Variants in UGT1A4 observed in about 807,000 individuals in gnomAD.
The protein encoded by UGT1A4 is UDP glucuronosyltransferase family 1 member A4.
In UGT1A4, 32 loss-of-function variants were observed where a neutral mutation model predicts 41.1. The observed-to-expected ratio is 0.78, with a 90% confidence interval of 0.59 to 1.05. UGT1A4 has a LOEUF of 1.05. Among genes scored for constraint, UGT1A4 ranks in the 50% least tolerant of loss-of-function variants. UGT1A4 has a pLI of 0.00. For synonymous variants in UGT1A4, 283 were observed against 265.1 expected, an observed-to-expected ratio of 1.07 and a Z score of -0.66; for missense variants, 748 against 677.4, an observed-to-expected ratio of 1.10 and a Z score of -1.16.
rs1197217619 is a variant in UGT1A4, at chr2:233,750,175, GA to G, written c.868-16858del. 5.9e-5 allele frequency among the ~76,000 whole-genome samples: 9 copies of G among 151,894 alleles called. 1 individual carries two copies. The highest frequency in any genetic ancestry group is 2.2e-4 in the African/African-American group (9 of 41,136). Reference sequence around the variant, plus strand: ...GTTGAATGGTTTTGACCAAAATGCTGATAATGTTGTGGACAATGAAGTCCAG... The same window carrying G: ...GTTGAATGGTTTTGACCAAAATGCTGTAATGTTGTGGACAATGAAGTCCAG... On this transcript the variant is annotated intron_variant, in intron 1 of 4. Coordinates refer to ENST00000373409, the MANE Select transcript of UGT1A4 (RefSeq NM_007120.3).
rs1301858882 is a variant in UGT1A4 at position 233,760,759 on chromosome 2, C to T, written c.868-6275C>T. 2.5e-6 allele frequency: 4 copies of T among 1,613,948 alleles called. No homozygotes were observed. In the African/African-American group the frequency reaches 4.0e-5, roughly 16 times the overall value. On this transcript the variant is annotated intron_variant, in intron 1 of 4. Transcript: ENST00000373409. Reference sequence around the variant, plus strand: ...GACGGACCCTTTCCTTCCTTGCAGCCCCATCGTGGCCCAGTACCTGTCTCT... The same window carrying T: ...GACGGACCCTTTCCTTCCTTGCAGCTCCATCGTGGCCCAGTACCTGTCTCT...
chr2:233,731,825 G>C (rs994519436), intron 1 of UGT1A4, among the ~76,000 whole-genome samples: 58 of 152,108 alleles, frequency 3.8e-4, no homozygotes, highest in African/African-American at 1.4e-3. Flanking sequence ...GTGTCAAATG[G>C]TATTTCTAGT....
Position 233,719,081 on chromosome 2 carries a change from G to C in UGT1A4, c.261G>C (p.Lys87Asn), listed in dbSNP as rs146146688. The C allele has an allele frequency of 8.1e-6, 13 of 1,614,146 alleles. No individual in the cohort carries two copies. The highest frequency in any genetic ancestry group is 1.1e-5 in the South Asian group (1 of 91,086). ...CCTATGCTGTTCCATGGACCCAGAA[G>C]GAATTTGATCGCGTTACGCTGGGCT... ...LTAYAVPWTQ[K>N]EFDRVTLGYT... Residue 87 changes from lysine (K) to asparagine (N), a missense_variant, in exon 1 of 5, where the codon AAG (lysine) becomes AAC (asparagine). Transcript: ENST00000373409.
At chr2:233,743,679 C>G (rs773832305) in intron 1 of UGT1A4, 3 of 1,367,098 alleles carry the variant, frequency 2.2e-6, no homozygotes, top group African/African-American at 3.0e-5. Context: ...AAGGGCCTGC[C>G]GCCTGTGCAG....
chr2:233,761,191 T>G, intron 1 of UGT1A4: 1 of 1,614,162 alleles, frequency 6.2e-7, no homozygotes, highest in Non-Finnish European at 8.5e-7. Context: ...GTATATTCTT[T>G]CAGATGTATT....
chr2:233,755,203 A>G, intron 1 of UGT1A4: 1 of 1,097,556 alleles, frequency 9.1e-7, no homozygotes, highest in Non-Finnish European at 1.3e-6. Flanking sequence ...AGCTTGCGGT[A>G]CGCCTTCTTG....
intron 1 of UGT1A4, chr2:233,729,111 C>G (rs773243405): frequency 2.0e-5 from 33 of 1,612,748 alleles, no homozygotes; most frequent in Admixed American, 3.3e-5. Flanking sequence ...GTCAGCTGTC[C>G]GTGTCTTCTG....
intron 1 of UGT1A4, chr2:233,721,988 G>A (rs1184404507): frequency 1.1e-5 from 3 of 269,960 alleles, no homozygotes; most frequent in African/African-American, 2.2e-5. Context: ...GTAGTTTCAC[G>A]AATGTCCTTT....
Position 233,769,781 on chromosome 2 carries a change from G to A in UGT1A4, c.1307+1342G>A. On this transcript the variant is annotated intron_variant, in intron 4 of 4. Coordinates refer to ENST00000373409, the MANE Select transcript of UGT1A4 (RefSeq NM_007120.3). The surrounding 1 kb of genome is among the most constrained non-coding windows in gnomAD (Gnocchi z 4.4). ...AAGGCGGGAGGATTGCTTGAGCCCAGAAGTTGGAGGCTGCTATGAGCCGTG... is the reference window on the plus strand; with the variant it reads ...AAGGCGGGAGGATTGCTTGAGCCCAAAAGTTGGAGGCTGCTATGAGCCGTG... 1 of 1,329,528 alleles carries A rather than the reference G, an allele frequency of 7.5e-7. No homozygotes were observed. The highest frequency in any genetic ancestry group is 9.9e-7 in the Non-Finnish European group (1 of 1,014,222). 82.4% of individuals were successfully genotyped at this position (1,329,528 alleles called of 1,614,324 possible). A position where few individuals can be genotyped will look rare whatever the true frequency, so the allele number is the denominator to read the frequency against.
At chr2:233,729,153 G>A in intron 1 of UGT1A4, 4 of 1,613,546 alleles carry the variant, frequency 2.5e-6, no homozygotes, top group Non-Finnish European at 3.4e-6. Context: ...AGGTTCCCCT[G>A]CCGTGGCTGG....
Position 233,768,439 on chromosome 2 carries a change from G to T in UGT1A4, c.1307G>T (p.Ser436Ile), listed in dbSNP as rs1306719122. 6.2e-7 allele frequency: 1 copy of T among 1,613,244 alleles called. No homozygotes were observed. Among genetic ancestry groups the T allele is most frequent in the South Asian group, 1.1e-5 (1 of 90,868 alleles). ...CTAAAAGCAGTCATCAATGACAAAAGGTAAGAAAGAAGATACAGAAGAATA... is the reference window on the plus strand; with the variant it reads ...CTAAAAGCAGTCATCAATGACAAAATGTAAGAAAGAAGATACAGAAGAATA... ...NALKAVINDK[S>I]YKENIMRLSS... Residue 436 changes from serine to isoleucine, a missense_variant and splice_region_variant, in exon 4 of 5, where the codon AGT becomes ATT. Transcript: ENST00000373409.
At position 233,731,965 on chromosome 2, in the gene UGT1A4, A is replaced by T. The variant is rs1487707523; in HGVS notation, c.867+12278A>T. ...ACATCTGTTGTTTCCTGACTTTTTA[A>T]TGGTCACCATTCTAACTGGCGTGAG... On this transcript the variant is annotated intron_variant, in intron 1 of 4. Coordinates refer to ENST00000373409, the MANE Select transcript of UGT1A4 (RefSeq NM_007120.3). 2.6e-5 allele frequency among the ~76,000 whole-genome samples: 4 copies of T among 152,240 alleles called. No individual in the cohort carries two copies. The East Asian group carries it at 7.7e-4, about 29-fold the overall frequency.
rs1299617457 is a variant in UGT1A4, at chr2:233,724,834, A to G, written c.867+5147A>G. On this transcript the variant is annotated intron_variant, in intron 1 of 4. Coordinates refer to ENST00000373409, the MANE Select transcript of UGT1A4 (RefSeq NM_007120.3). ...GAGGCTGCAATCTCGGCACTTTGGG[A>G]GGCCAAGGCAGGCGGCTGGGAGGTG... 3.0e-5 allele frequency among the ~76,000 whole-genome samples: 4 copies of G among 132,466 alleles called. 1 individual carries two copies. The highest frequency in any genetic ancestry group is 6.3e-5 in the Non-Finnish European group (4 of 63,510). 86.9% of individuals were successfully genotyped at this position (132,466 alleles called of 152,430 possible).
chr2:233,756,708 CT>C (rs1473385409), intron 1 of UGT1A4, among the ~76,000 whole-genome samples: 11 of 152,108 alleles, frequency 7.2e-5, no homozygotes, highest in Non-Finnish European at 1.6e-4. Context: ...TTTGGGGGGA[CT>C]TTTTTTGAGA....
In UGT1A4 at chr2:233,769,569, G is replaced by A; in HGVS notation, c.1307+1130G>A. ...TCAGGAAGACAGATGTGAAGAGCTG[G>A]AGCATGTTCAGATGAGAGGAGACGG... On this transcript the variant is annotated intron_variant, in intron 4 of 4. Transcript: ENST00000373409. The surrounding 1 kb of genome is among the most constrained non-coding windows in gnomAD (Gnocchi z 4.4). The A allele has an allele frequency of 1.2e-6, 2 of 1,612,870 alleles. No individual in the cohort carries two copies. The highest frequency in any genetic ancestry group is 2.2e-5 in the South Asian group (2 of 91,064).
chr2:233,743,876 G>A (rs1382161508), intron 1 of UGT1A4: 2 of 1,367,016 alleles, frequency 1.5e-6, no homozygotes. Flanking sequence ...CTCGGATGAG[G>A]CCTGCCGGGG....
At chr2:233,743,853 C>G (rs759074098) in intron 1 of UGT1A4, 129 of 1,367,160 alleles carry the variant, frequency 9.4e-5, no homozygotes, top group Non-Finnish European at 1.2e-4. Context: ...TTGCGGTACG[C>G]CTTCTTGATG....
At chr2:233,731,543 TC>T (rs2078176266) in intron 1 of UGT1A4, among the ~76,000 whole-genome samples, 2 of 152,228 alleles carry the variant, frequency 1.3e-5, no homozygotes, top group South Asian at 4.1e-4. Context: ...TGTTTGGTTT[TC>T]TGTCCATGTG....
At chr2:233,744,688 T>C (rs1692891145) in intron 1 of UGT1A4, among the ~76,000 whole-genome samples, 1 of 151,894 alleles carries the variant, frequency 6.6e-6, no homozygotes, top group Admixed American at 6.5e-5. Flanking sequence ...ATGTAGCTTC[T>C]GGAAAACTCC....
Sources: gnomAD v4.1 joint callset for allele counts (sites outside exome capture counted in the v4.1 genomes callset) on GRCh38, gnomAD v4.1.1 for gene constraint, Gnocchi (gnomAD v3.1) non-coding constraint, MANE v1.5 for transcripts, NCBI Gene and HGNC (gene_info 2026-07-23, HGNC 2026-07-21) for gene names.